The following NCAM2 variants were observed in gnomAD, a reference collection of about 807,000 sequenced individuals.
NCAM2 encodes N-CAM-2.
Under a neutral mutation model 98.1 loss-of-function variants are expected in NCAM2, and 30 were observed. The ratio of observed to expected loss-of-function variants is 0.31; its 90% CI spans 0.23 to 0.41. The LOEUF (loss-of-function observed/expected upper bound fraction) is 0.41. Ranked by LOEUF, NCAM2 falls within the 10% of genes least tolerant of loss-of-function variation. The pLI, the probability that NCAM2 is intolerant of heterozygous loss-of-function variation, is 1.00. For missense variants in NCAM2, 867 were observed against 1,005.8 expected, an observed-to-expected ratio of 0.86 and a Z score of 1.87; for synonymous variants, 368 against 342.4, an observed-to-expected ratio of 1.07 and a Z score of -0.83.
chr21:21,345,287 C>A (rs1011663018), intron 8 of NCAM2, among the ~76,000 whole-genome samples: 3 of 151,564 alleles, frequency 2.0e-5, no homozygotes, highest in African/African-American at 7.3e-5. Flanking sequence ...TAAATAAGAC[C>A]CCAGAGACCA....
rs1044026994 is a variant in NCAM2 at position 21,245,297 on chromosome 21, C to T, written c.56-35281C>T. 2.6e-5 allele frequency among the ~76,000 whole-genome samples: 4 copies of T among 152,164 alleles called. 1 individual carries two copies. Among genetic ancestry groups the T allele is most frequent in the Admixed American group, 2.0e-4 (3 of 15,276 alleles). On this transcript the variant is annotated intron_variant, in intron 1 of 17. Coordinates refer to ENST00000400546, the MANE Select transcript of NCAM2 (RefSeq NM_004540.5). ...TGCGTCAGATAATTAATGGCTAACT[C>T]CCTTGTAATTCCACAAACTTTTCTG...
In NCAM2 at chr21:21,468,738, C is replaced by T. The variant is rs371587120; in HGVS notation, c.1851C>T (p.Asp617=). 1.9e-5 allele frequency: 30 copies of T among 1,611,442 alleles called. No individual in the cohort carries two copies. Among genetic ancestry groups the T allele is most frequent in the East Asian group, 2.2e-5 (1 of 44,780 alleles). Reference sequence around the variant, plus strand: ...TTAAACTCAGCATCACCAAACAGGACGATGGAGGGGCCCCTATTTTGGAAT... The same window carrying T: ...TTAAACTCAGCATCACCAAACAGGATGATGGAGGGGCCCCTATTTTGGAAT... ...KSFKLSITKQ[D]DGGAPILEYI... The change falls in exon 14 of 18, where the codon GAC becomes GAT. Residue 617 remains aspartate, a synonymous_variant. Coordinates refer to ENST00000400546, the MANE Select transcript of NCAM2 (RefSeq NM_004540.5).
At chr21:21,382,335 A>G (rs1187558483) in intron 9 of NCAM2, among the ~76,000 whole-genome samples, 3 of 152,022 alleles carry the variant, frequency 2.0e-5, no homozygotes, top group African/African-American at 7.2e-5. Context: ...CACATATGTT[A>G]TACCCTTTGA....
intron 4 of NCAM2, among the ~76,000 whole-genome samples, chr21:21,288,689 A>G (rs1376720438): frequency 6.6e-6 from 1 of 151,910 alleles, no homozygotes; most frequent in African/African-American, 2.4e-5. Flanking sequence ...TTCACTGCTT[A>G]TACCTCATAT....
chr21:21,119,648 G>T (rs554970275), intron 1 of NCAM2, among the ~76,000 whole-genome samples: 1 of 152,072 alleles, frequency 6.6e-6, no homozygotes, highest in South Asian at 2.1e-4. Flanking sequence ...AAATAATGCA[G>T]ATTTCTTAAG....
At chr21:21,492,197 A>G (rs1465457959) in intron 15 of NCAM2, among the ~76,000 whole-genome samples, 2 of 151,878 alleles carry the variant, frequency 1.3e-5, no homozygotes, top group African/African-American at 4.8e-5. Context: ...TAGTCAAGCA[A>G]CTTTGATTCT....
chr21:21,358,740 A>T (rs1471236157), intron 8 of NCAM2, among the ~76,000 whole-genome samples: 1 of 152,012 alleles, frequency 6.6e-6, no homozygotes, highest in Non-Finnish European at 1.5e-5. Context: ...AATTGTTATA[A>T]CTTTTTCTGG....
chr21:21,013,065 A>G (rs2064239499), intron 1 of NCAM2, among the ~76,000 whole-genome samples: 2 of 152,152 alleles, frequency 1.3e-5, no homozygotes, highest in Admixed American at 1.3e-4. Flanking sequence ...AGGCCAATAA[A>G]TTAACCCTAC....
At chr21:21,185,701 G>A (rs1485153050) in intron 1 of NCAM2, among the ~76,000 whole-genome samples, 1 of 152,020 alleles carries the variant, frequency 6.6e-6, no homozygotes, top group Non-Finnish European at 1.5e-5. Context: ...ATTAAAAATA[G>A]CCCCAAATTG....
At chr21:21,350,350 A>T (rs1173343235) in intron 8 of NCAM2, among the ~76,000 whole-genome samples, 1 of 152,094 alleles carries the variant, frequency 6.6e-6, no homozygotes, top group Non-Finnish European at 1.5e-5. Flanking sequence ...AATAACTGTA[A>T]CTCACTAACT....
At chr21:21,340,211 A>G (rs2074986820) in intron 8 of NCAM2, among the ~76,000 whole-genome samples, 1 of 151,844 alleles carries the variant, frequency 6.6e-6, no homozygotes, top group African/African-American at 2.4e-5. Flanking sequence ...ATACCTTCAT[A>G]TTTCTAATGC....
Position 21,443,881 on chromosome 21 carries a change from G to A in NCAM2, c.1654+11600G>A, listed in dbSNP as rs1044082944. Among the ~76,000 whole-genome samples, 4 of 152,070 alleles carry A rather than the reference G, an allele frequency of 2.6e-5. No homozygotes were observed. The South Asian group carries it at 6.2e-4, about 24-fold the overall frequency. On this transcript the variant is annotated intron_variant, in intron 12 of 17. Coordinates refer to ENST00000400546, the MANE Select transcript of NCAM2 (RefSeq NM_004540.5). ...CTCTATCATACTACTCAACTTCACT[G>A]TTATAGAAAAACTTTAAGATAATCA... is the stretch of plus-strand genomic sequence containing the variant.
intron 12 of NCAM2, among the ~76,000 whole-genome samples, chr21:21,465,156 G>GTT (rs1983514889): frequency 6.6e-6 from 1 of 152,036 alleles, no homozygotes; most frequent in African/African-American, 2.4e-5. Context: ...TGATATGTGT[G>GTT]TTGTGGCTAT....
Position 21,250,817 on chromosome 21 carries a change from A to G in NCAM2, c.56-29761A>G, listed in dbSNP as rs551609307. On this transcript the variant is annotated intron_variant, in intron 1 of 17. Coordinates refer to ENST00000400546, the MANE Select transcript of NCAM2 (RefSeq NM_004540.5). ...ATTAAATTTCATCCAGTGGTAAAGG[A>G]TGATCCTGGAATATGTAGAATAAGT... Among the ~76,000 whole-genome samples the G allele has an allele frequency of 1.5e-4, 23 of 152,342 alleles. No homozygotes were observed. In the South Asian group the frequency reaches 4.8e-3, roughly 32 times the overall value.
At chr21:21,074,187 A>G (rs1790558652) in intron 1 of NCAM2, among the ~76,000 whole-genome samples, 1 of 152,248 alleles carries the variant, frequency 6.6e-6, no homozygotes. Flanking sequence ...TCTGTCCGTC[A>G]TATAGTACAT....
intron 1 of NCAM2, among the ~76,000 whole-genome samples, chr21:21,113,197 G>C (rs2066488596): frequency 6.6e-6 from 1 of 152,130 alleles, no homozygotes; most frequent in South Asian, 2.1e-4. Context: ...CAGTAGGTGC[G>C]ATTTTTCAAC....
intron 1 of NCAM2, among the ~76,000 whole-genome samples, chr21:21,219,317 A>G (rs1417020079): frequency 6.6e-6 from 1 of 152,204 alleles, no homozygotes; most frequent in African/African-American, 2.4e-5. Flanking sequence ...TCAGCAGCAA[A>G]TAGAAAACTA....
intron 1 of NCAM2, among the ~76,000 whole-genome samples, chr21:21,191,170 G>A (rs1437795984): frequency 6.6e-6 from 1 of 152,086 alleles, no homozygotes; most frequent in African/African-American, 2.4e-5. Context: ...AAGTTATTTG[G>A]GAGAAATATA....
intron 15 of NCAM2, among the ~76,000 whole-genome samples, chr21:21,501,548 C>G (rs1266482436): frequency 1.3e-5 from 2 of 150,840 alleles, no homozygotes; most frequent in African/African-American, 4.9e-5. Context: ...TTTAGGCAAC[C>G]CTTCTGGTTC....
Sources: gnomAD v4.1 joint callset for allele counts (sites outside exome capture counted in the v4.1 genomes callset) on GRCh38, gnomAD v4.1.1 for gene constraint, MANE v1.5 for transcripts, NCBI Gene and HGNC (gene_info 2026-07-23, HGNC 2026-07-21) for gene names.